Variants in GRAMD1A observed in about 807,000 individuals in gnomAD.
GRAMD1A encodes GRAM domain containing 1A, also known as protein Aster-A.
Under a neutral mutation model 92.0 loss-of-function variants are expected in GRAMD1A, and 50 were observed. The observed-to-expected ratio is 0.54, with a 90% confidence interval of 0.43 to 0.69. GRAMD1A has a LOEUF of 0.69. Ranked by LOEUF, GRAMD1A falls within the 30% of genes least tolerant of loss-of-function variation. GRAMD1A has a pLI of 0.00. For missense variants in GRAMD1A, 819 were observed against 978.9 expected (o/e 0.84, Z 2.18); for synonymous variants, 405 against 403.6 (o/e 1.00, Z -0.04).
At chr19:35,005,985 C>G in intron 1 of GRAMD1A, 1 of 456,188 alleles carries the variant, frequency 2.2e-6, no homozygotes. Context: ...CCCACCTGCA[C>G]CCCAGAATAC....
At position 35,015,836 on chromosome 19, in the gene GRAMD1A, C is replaced by G. The variant is rs770540006; in HGVS notation, c.1082C>G (p.Ala361Gly). Residue 361 changes from alanine (A) to glycine (G), a missense_variant, in exon 11 of 20, where the codon GCC (alanine) becomes GGC (glycine). This residue lies in a region of GRAMD1A where 577 missense variants were observed against 674.6 expected (regional missense o/e 0.86). Coordinates refer to ENST00000317991, the MANE Select transcript of GRAMD1A (RefSeq NM_020895.5). Reference sequence around the variant, plus strand: ...CCTCTGTCTCCAGCGGACTTGGCTGCCCTGCTTCCCGACCTCTCCGGCCGC... The same window carrying G: ...CCTCTGTCTCCAGCGGACTTGGCTGGCCTGCTTCCCGACCTCTCCGGCCGC... ...SSTGEEADLA[A>G]LLPDLSGRLL... is the part of the protein sequence containing the mutation. The G allele has an allele frequency of 6.2e-7, 1 of 1,613,780 alleles. No homozygotes were observed. The highest frequency in any genetic ancestry group is 1.3e-5 in the African/African-American group (1 of 75,040).
At chr19:35,007,806 G>A (rs1266034117) in intron 1 of GRAMD1A, among the ~76,000 whole-genome samples, 1 of 152,084 alleles carries the variant, frequency 6.6e-6, no homozygotes, top group African/African-American at 2.4e-5. Context: ...CCGGGAGCTC[G>A]AGGCTGCAGT....
chr19:35,023,780 C>A, intron 19 of GRAMD1A: 1 of 455,316 alleles, frequency 2.2e-6, no homozygotes. Context: ...AGGCGTCTCA[C>A]ATTAGGCACG....
chr19:35,000,227 C>A, upstream of GRAMD1A: 1 of 1,022,624 alleles, frequency 9.8e-7, no homozygotes, highest in South Asian at 4.6e-5. This position sits in a 1 kb window ranked among gnomAD's most constrained non-coding sequence, Gnocchi z 4.9. Context: ...CCCCTCCCCG[C>A]CTTCCCTCCC....
Position 35,023,218 on chromosome 19 carries a change from TCTGACCC to T in GRAMD1A, c.1854-14_1854-8del, listed in dbSNP as rs1568340738. On this transcript the variant is annotated splice_polypyrimidine_tract_variant and intron_variant, in intron 17 of 19. Transcript: ENST00000317991. ...CATCTAGACCCCAGGAATCCTGACC[TCTGACCC>T]CTGTCCCCAGCCTTATCATCCTCAT... 5 of 1,592,222 alleles carry T rather than the reference TCTGACCC, an allele frequency of 3.1e-6. No individual in the cohort carries two copies. In the South Asian group the frequency reaches 5.5e-5, roughly 18 times the overall value.
chr19:35,024,705 C>T (rs978118181), intron 19 of GRAMD1A, among the ~76,000 whole-genome samples: 6 of 143,254 alleles, frequency 4.2e-5, no homozygotes, highest in South Asian at 2.6e-4. Context: ...CTGGAAAGGG[C>T]GGGGCAGGAT....
At chr19:35,012,545 GA>G (rs2015315843) in intron 7 of GRAMD1A, among the ~76,000 whole-genome samples, 1 of 152,242 alleles carries the variant, frequency 6.6e-6, no homozygotes, top group Admixed American at 6.5e-5. Context: ...GGGGGGCCAC[GA>G]TGGCATAGGC....
At chr19:34,999,948 T>G, upstream of GRAMD1A, 1 of 978,838 alleles carries the variant, frequency 1.0e-6, no homozygotes, top group Non-Finnish European at 1.2e-6. Flanking sequence ...TTTCCCAGCA[T>G]CTCCAGTCCT....
chr19:35,002,933 GAC>G (rs1334839368), intron 1 of GRAMD1A: 1 of 152,300 alleles, frequency 6.6e-6, no homozygotes, highest in East Asian at 1.9e-4. Context: ...ATTTATCCGG[GAC>G]TTTCTGTGGG....
upstream of GRAMD1A, chr19:34,996,124 A>G (rs2014025549): frequency 6.5e-6 from 10 of 1,535,978 alleles, no homozygotes; most frequent in Non-Finnish European, 8.7e-7. Context: ...AGCAGCAGCC[A>G]CAGGGTGACA....
upstream of GRAMD1A, chr19:35,000,191 T>C (rs543783523): frequency 3.6e-5 from 37 of 1,014,630 alleles, no homozygotes; most frequent in African/African-American, 5.3e-4. The surrounding 1 kb of genome is among the most constrained non-coding windows in gnomAD (Gnocchi z 4.9). Context: ...TCTCCCCGGC[T>C]TCTCCCTCCT....
chr19:35,022,576 G>A (rs1302293370), intron 16 of GRAMD1A, among the ~76,000 whole-genome samples: 2 of 128,714 alleles, frequency 1.6e-5, no homozygotes, highest in Non-Finnish European at 3.4e-5. Flanking sequence ...GGGCAGTCAG[G>A]ATGGGCGTCC....
upstream of GRAMD1A, chr19:34,995,919 G>C (rs2014017080): frequency 1.0e-6 from 1 of 981,922 alleles, no homozygotes; most frequent in South Asian, 1.7e-5. Flanking sequence ...ATTTCTCTTA[G>C]TGGAGCCACG....
At position 35,019,410 on chromosome 19, in the gene GRAMD1A, C is replaced by T. The variant is rs777758932; in HGVS notation, c.1352C>T (p.Pro451Leu). 7.4e-6 allele frequency: 12 copies of T among 1,613,868 alleles called. No homozygotes were observed. In the East Asian group the frequency reaches 2.5e-4, roughly 33 times the overall value. The change falls in exon 13 of 20, where the codon CCC becomes CTC. Residue 451 changes from proline (P) to leucine (L), a missense_variant. Coordinates refer to ENST00000317991, the MANE Select transcript of GRAMD1A (RefSeq NM_020895.5). ...VETQTLFRRG[P>L]QAGGCVVDSE... is the part of the protein sequence containing the mutation. ...CTGCAGACGCTGTTCCGGCGCGGCC[C>T]CCAGGCCGGCGGGTGTGTGGTGGAC...
chr19:35,021,922 C>T lies in GRAMD1A; in HGVS notation c.1754-29C>T. The T allele has an allele frequency of 6.2e-7, 1 of 1,612,118 alleles. No homozygotes were observed. The highest frequency in any genetic ancestry group is 8.5e-7 in the Non-Finnish European group (1 of 1,178,682). ...GGAGGATCGGGGGTCCTGGACTGGG[C>T]CATCTGACTCCAAGCTGCTCTCCTG... On this transcript the variant is annotated intron_variant, in intron 15 of 19. Transcript: ENST00000317991. This position sits in a 1 kb window ranked among gnomAD's most constrained non-coding sequence, Gnocchi z 5.3.
intron 1 of GRAMD1A, among the ~76,000 whole-genome samples, chr19:35,007,020 G>T (rs2014869794): frequency 6.6e-6 from 1 of 152,168 alleles, no homozygotes; most frequent in South Asian, 2.1e-4. Flanking sequence ...AGGCTGGGAT[G>T]GCCAGGGGAG....
chr19:35,024,509 C>T (rs576950199), intron 19 of GRAMD1A, among the ~76,000 whole-genome samples: 192 of 152,102 alleles, frequency 1.3e-3, no homozygotes, highest in Non-Finnish European at 2.2e-3. Context: ...GTTAGGCACT[C>T]GGGGAAGGTG....
Position 35,009,265 on chromosome 19 carries a change from G to T in GRAMD1A, c.155G>T (p.Gly52Val). Residue 52 changes from glycine (G) to valine (V), a missense_variant, in exon 2 of 20, where the codon GGT becomes GTT. Gly to Val is a moderately radical substitution (Grantham distance 109). This residue lies in a region of GRAMD1A where 98 missense variants were observed against 84.0 expected (regional missense o/e 1.17). Coordinates refer to ENST00000317991, the MANE Select transcript of GRAMD1A (RefSeq NM_020895.5). ...GGATCAGATAGCTCCTCAGAGAAGG[G>T]TGGGGTGCCTGGGACCCCCAGCACC... ...EKGSDSSSEK[G>V]GVPGTPSTQS... 6.2e-7 allele frequency: 1 copy of T among 1,614,084 alleles called. No homozygotes were observed. Among genetic ancestry groups the T allele is most frequent in the Middle Eastern group, 1.6e-4 (1 of 6,062 alleles).
intron 6 of GRAMD1A, chr19:35,010,751 G>C (rs1456925217): frequency 1.9e-6 from 1 of 518,942 alleles, no homozygotes; most frequent in Non-Finnish European, 3.4e-6. Flanking sequence ...AACAAGAAGG[G>C]GGACAGGTGT....
Sources: allele counts gnomAD v4.1 joint callset (sites outside exome capture counted in the v4.1 genomes callset), GRCh38; gene constraint gnomAD v4.1.1; regional missense constraint gnomAD v4.1.1; non-coding constraint Gnocchi (gnomAD v3.1); transcripts MANE v1.5; gene names NCBI Gene and HGNC (gene_info 2026-07-23, HGNC 2026-07-21).